The following ARL13B variants were observed in gnomAD, a reference collection of about 807,000 sequenced individuals.
The protein encoded by ARL13B is ARF like GTPase 13B, also known as ADP-ribosylation factor-like protein 13B.
In ARL13B, 36 loss-of-function variants were observed where a neutral mutation model predicts 56.1. The observed-to-expected ratio is 0.64, with a 90% CI of 0.49 to 0.85. The LOEUF is 0.85. ARL13B is among the 40% of genes least tolerant of loss of function. The pLI, the probability that ARL13B is intolerant of heterozygous loss-of-function variation, is 0.00. For synonymous variants in ARL13B, 178 were observed against 171.1 expected (o/e 1.04, Z -0.32); for missense variants, 519 against 507.1 (o/e 1.02, Z -0.23).
At chr3:94,004,604 T>G (rs771996676) in intron 3 of ARL13B, among the ~76,000 whole-genome samples, 1 of 151,906 alleles carries the variant, frequency 6.6e-6, no homozygotes, top group Non-Finnish European at 1.5e-5. Flanking sequence ...CCCTTTTCCC[T>G]TGTTCTTGTG....
chr3:94,003,603 T>G, intron 2 of ARL13B, 56 bp from the exon 3 acceptor site: 4 of 1,585,320 alleles, frequency 2.5e-6, no homozygotes, highest in African/African-American at 1.4e-5. Context: ...GTTGAAAAAT[T>G]AACGTTGTCA....
At chr3:94,036,940 GTGGTTGTA>G (rs1445952841) in intron 5 of ARL13B, among the ~76,000 whole-genome samples, 186 bp downstream of exon 5, 1 of 152,032 alleles carries the variant, frequency 6.6e-6, no homozygotes, top group Non-Finnish European at 1.5e-5. Flanking sequence ...AATTTTTCTG[GTGGTTGTA>G]TAATAGTTAA....
intron 3 of ARL13B, among the ~76,000 whole-genome samples, chr3:94,006,844 A>G (rs2076143958): frequency 6.6e-6 from 1 of 152,176 alleles, no homozygotes; most frequent in Non-Finnish European, 1.5e-5. Context: ...TGCCTGGCAT[A>G]TAATAGGTCT....
Position 94,034,449 on chromosome 3 carries a change from G to A in ARL13B, c.381-882G>A, listed in dbSNP as rs1452565135. ...AAATTGTGGTAAATCCTGTTTTTCT[G>A]TAGAATATATTGGTTTTCCATTTTG... On this transcript the variant is annotated intron_variant, in intron 3 of 9. Transcript: ENST00000394222. Among the ~76,000 whole-genome samples, 6 of 151,428 alleles carry A rather than the reference G, an allele frequency of 4.0e-5. No individual in the cohort carries two copies. In the East Asian group the frequency reaches 1.2e-3, roughly 29 times the overall value.
chr3:93,988,641 C>T (rs968484129), intron 1 of ARL13B: 4 of 497,352 alleles, frequency 8.0e-6, no homozygotes, highest in Non-Finnish European at 1.6e-5. Context: ...ATTAATCAGA[C>T]TTGGCTTCTT....
At chr3:93,996,198 G>A (rs1259570481) in intron 2 of ARL13B, among the ~76,000 whole-genome samples, 3 of 152,188 alleles carry the variant, frequency 2.0e-5, no homozygotes, top group Non-Finnish European at 2.9e-5. Context: ...AGAGGGAATA[G>A]TATCTGTATT....
Position 94,050,884 on chromosome 3 carries a change from A to T in ARL13B, c.1202A>T (p.His401Leu), listed in dbSNP as rs369315090. Reference protein sequence around the residue: ...LPKLEPLGETHHNDFYRKPLP... With the variant: ...LPKLEPLGETLHNDFYRKPLP... ...AAACTTGAGCCTCTTGGTGAAACAC[A>T]TCATAATGGTAATGCAAAAGGATTG... Residue 401 changes from histidine to leucine, a missense_variant, in exon 9 of 10, where the codon CAT (histidine) becomes CTT (leucine). By Grantham distance (99) the His-to-Leu change is moderately conservative (BLOSUM62 -3). Transcript: ENST00000394222. The T allele has an allele frequency of 6.2e-7, 1 of 1,613,066 alleles. No homozygotes were observed. Among genetic ancestry groups the T allele is most frequent in the Admixed American group, 1.7e-5 (1 of 60,010 alleles).
At chr3:94,029,341 T>TATTTA (rs1416692603) in intron 3 of ARL13B, among the ~76,000 whole-genome samples, 5 of 96,622 alleles carry the variant, frequency 5.2e-5, no homozygotes, top group African/African-American at 3.0e-4. Context: ...TATATTTATT[T>TATTTA]TTTTTTTATT....
intron 1 of ARL13B, among the ~76,000 whole-genome samples, chr3:93,993,342 T>C (rs974568477): frequency 2.0e-5 from 3 of 151,874 alleles, no homozygotes; most frequent in African/African-American, 7.3e-5. Flanking sequence ...CTCAGGCTGG[T>C]CTCGAACTCC....
rs115633951 is a variant in ARL13B, at chr3:94,006,785, A to T, written c.380+2877A>T. Among the ~76,000 whole-genome samples, 547 of 152,346 alleles carry T rather than the reference A, an allele frequency of 3.6e-3. 2 individuals are homozygous for T. The highest frequency in any genetic ancestry group is 0.013 in the African/African-American group (521 of 41,582). ...AAGTTCCTTTCATAGTTCCATGCAGATAAGAAATTCTTTCTTTAAACTAAC... is the reference window on the plus strand; with the variant it reads ...AAGTTCCTTTCATAGTTCCATGCAGTTAAGAAATTCTTTCTTTAAACTAAC... On this transcript the variant is annotated intron_variant, in intron 3 of 9. Coordinates refer to ENST00000394222, the MANE Select transcript of ARL13B (RefSeq NM_001174150.2).
At position 93,996,864 on chromosome 3, in the gene ARL13B, C is replaced by A. The variant is rs974363359; in HGVS notation, c.130+920C>A. Among the ~76,000 whole-genome samples, 49 of 152,192 alleles carry A rather than the reference C, an allele frequency of 3.2e-4. 1 individual carries two copies. Among genetic ancestry groups the A allele is most frequent in the African/African-American group, 1.2e-3 (49 of 41,532 alleles). ...ACCAGCCCACAAAGCAGGAGGTAAG[C>A]AGCAGGCCAGTGAACGAAGCTTCAT... is the stretch of plus-strand genomic sequence containing the variant. On this transcript the variant is annotated intron_variant, in intron 2 of 9. Transcript: ENST00000394222.
chr3:94,032,474 T>A (rs1461895640), intron 3 of ARL13B, among the ~76,000 whole-genome samples: 1 of 152,146 alleles, frequency 6.6e-6, no homozygotes, highest in Non-Finnish European at 1.5e-5. Context: ...GTACAATCAC[T>A]ATGGAAAACA....
chr3:94,009,967 G>A (rs1052543009), intron 3 of ARL13B, among the ~76,000 whole-genome samples: 2 of 152,002 alleles, frequency 1.3e-5, no homozygotes, highest in Non-Finnish European at 2.9e-5. Context: ...AAACTCTTTG[G>A]CAGTGTTACT....
At chr3:94,032,949 G>A (rs2076703059) in intron 3 of ARL13B, among the ~76,000 whole-genome samples, 1 of 152,198 alleles carries the variant, frequency 6.6e-6, no homozygotes, top group African/African-American at 2.4e-5. Context: ...AGTAGCAAAG[G>A]TAGGGAGTCA....
intron 1 of ARL13B, among the ~76,000 whole-genome samples, chr3:93,994,523 C>G (rs1695981522): frequency 6.6e-6 from 1 of 151,988 alleles, no homozygotes; most frequent in African/African-American, 2.4e-5. Context: ...TCTTTTGTCT[C>G]TAAAATGTAA....
At chr3:94,031,110 C>A (rs1472679156) in intron 3 of ARL13B, among the ~76,000 whole-genome samples, 1 of 152,098 alleles carries the variant, frequency 6.6e-6, no homozygotes, top group East Asian at 1.9e-4. Flanking sequence ...GAGGATGGCT[C>A]AAGCCTGGGA....
At chr3:93,985,383 C>T (rs931412624) in intron 1 of ARL13B, among the ~76,000 whole-genome samples, 4 of 151,904 alleles carry the variant, frequency 2.6e-5, no homozygotes, top group African/African-American at 4.8e-5. Context: ...ATATAATGAT[C>T]GAATATGCAA....
At chr3:94,003,935 T>C in intron 3 of ARL13B, 27 bp downstream of exon 3, 6 of 1,612,390 alleles carry the variant, frequency 3.7e-6, no homozygotes, top group Non-Finnish European at 5.1e-6. Context: ...TCATTGTAAA[T>C]GTAGGGACGA....
chr3:94,045,751 A>C (rs1009983200), intron 7 of ARL13B, among the ~76,000 whole-genome samples: 2 of 151,810 alleles, frequency 1.3e-5, no homozygotes, highest in Admixed American at 6.6e-5. Context: ...TCACGAGGAC[A>C]GGAGATCGAG....
Sources: allele counts gnomAD v4.1 joint callset (sites outside exome capture counted in the v4.1 genomes callset), GRCh38; gene constraint gnomAD v4.1.1; transcripts MANE v1.5; gene names NCBI Gene and HGNC (gene_info 2026-07-23, HGNC 2026-07-21).